Variants in PLD1 observed in about 807,000 individuals in gnomAD.
PLD1 encodes the protein phospholipase D1, also known as choline phosphatase 1.
A neutral mutation model predicts 137.1 loss-of-function variants in PLD1; 112 were observed. The ratio of observed to expected loss-of-function variants is 0.82; its 90% CI spans 0.70 to 0.96. The LOEUF is 0.96. Among genes scored for constraint, PLD1 ranks in the 40% least tolerant of loss-of-function variants. PLD1 has a pLI of 0.00. For missense variants in PLD1, 1,321 were observed against 1,342.0 expected, an observed-to-expected ratio of 0.98 and a Z score of 0.24; for synonymous variants, 431 against 454.7, an observed-to-expected ratio of 0.95 and a Z score of 0.66.
intron 21 of PLD1, among the ~76,000 whole-genome samples, chr3:171,645,244 G>T (rs1478346316): frequency 4.6e-5 from 7 of 152,144 alleles, no homozygotes; most frequent in Non-Finnish European, 7.3e-5. Flanking sequence ...GCTAAACTTG[G>T]CAGTAAAGTA....
At chr3:171,665,839 C>T (rs1044034940) in intron 19 of PLD1, among the ~76,000 whole-genome samples, 5 of 152,166 alleles carry the variant, frequency 3.3e-5, no homozygotes, top group Admixed American at 6.5e-5. Flanking sequence ...TCAGCATCAT[C>T]TATCCCATTG....
chr3:171,712,689 G>A (rs1717359999), intron 9 of PLD1, among the ~76,000 whole-genome samples: 1 of 152,184 alleles, frequency 6.6e-6, no homozygotes, highest in Admixed American at 6.5e-5. Flanking sequence ...AAACCTGGAT[G>A]TGAATGGCCT....
intron 19 of PLD1, 78 bp downstream of exon 19, chr3:171,674,422 T>C: frequency 1.6e-6 from 1 of 629,840 alleles, no homozygotes. Flanking sequence ...CTGAAGCCAA[T>C]GTAATAGGCC....
chr3:171,693,717 T>C (rs1715423507), intron 12 of PLD1, among the ~76,000 whole-genome samples: 1 of 152,128 alleles, frequency 6.6e-6, no homozygotes, highest in Non-Finnish European at 1.5e-5. Context: ...ATCGTAGAGA[T>C]TAAAGGTAAA....
rs77577238 is a variant in PLD1, at chr3:171,748,309, A to G, written c.-31-10227T>C. Reference sequence around the variant, plus strand: ...TAAGTCAAAGGGAAAATTCTTCTTTATAAAAGAAAGGTAGTTAATATTGCT... The same window carrying G: ...TAAGTCAAAGGGAAAATTCTTCTTTGTAAAAGAAAGGTAGTTAATATTGCT... On this transcript the variant is annotated intron_variant, in intron 1 of 26. Coordinates refer to ENST00000351298, the MANE Select transcript of PLD1 (RefSeq NM_002662.5). 1.7e-3 allele frequency among the ~76,000 whole-genome samples: 253 copies of G among 152,356 alleles called. 1 individual carries two copies. The highest frequency in any genetic ancestry group is 5.6e-3 in the African/African-American group (233 of 41,576).
intron 1 of PLD1, chr3:171,793,068 A>G: frequency 4.9e-6 from 1 of 203,964 alleles, no homozygotes; most frequent in South Asian, 7.6e-5. Context: ...TCCACTGACT[A>G]GACATCATTT....
chr3:171,795,800 A>G (rs548241685), intron 1 of PLD1, among the ~76,000 whole-genome samples: 2 of 152,348 alleles, frequency 1.3e-5, no homozygotes, highest in African/African-American at 4.8e-5. Context: ...TACAACCTCA[A>G]TATTACAAAG....
In PLD1 at chr3:171,737,994, C is replaced by G. The variant is rs1203633745; in HGVS notation, c.58G>C (p.Asp20His). 1.9e-6 allele frequency: 3 copies of G among 1,613,996 alleles called. No individual in the cohort carries two copies. The highest frequency in any genetic ancestry group is 3.3e-5 in the Admixed American group (2 of 60,006). Residue 20 changes from aspartate (D) to histidine (H), a missense_variant, in exon 2 of 27, where the codon GAC becomes CAC. Transcript: ENST00000351298. ...AGATTTTCTATGATATTACTCATGT[C>G]AGCAGCAATTTTCTGCAGTGCAGAG... ...NTSALQKIAADMSNIIENLDT... is the reference protein window; with the variant it reads ...NTSALQKIAAHMSNIIENLDT...
chr3:171,791,586 G>A (rs555034874), intron 1 of PLD1, among the ~76,000 whole-genome samples: 1 of 151,844 alleles, frequency 6.6e-6, no homozygotes, highest in East Asian at 1.9e-4. Context: ...TGATTAATAT[G>A]GAAAACACAA....
intron 1 of PLD1, among the ~76,000 whole-genome samples, chr3:171,781,922 A>T (rs1722810256): frequency 6.6e-6 from 1 of 152,242 alleles, no homozygotes; most frequent in Non-Finnish European, 1.5e-5. Flanking sequence ...CCACAAAAAA[A>T]GACTCCATTC....
At chr3:171,680,242 CTTTTT>C (rs571538714) in intron 16 of PLD1, among the ~76,000 whole-genome samples, 3 of 102,904 alleles carry the variant, frequency 2.9e-5, no homozygotes, top group African/African-American at 4.2e-5. Flanking sequence ...TTTTCTTCCT[CTTTTT>C]TTTTTTTTTT....
intron 1 of PLD1, among the ~76,000 whole-genome samples, chr3:171,784,472 C>T (rs1414852554): frequency 6.6e-6 from 1 of 152,044 alleles, no homozygotes; most frequent in East Asian, 1.9e-4. Flanking sequence ...TTTAAGTACC[C>T]AGGAAAAAAA....
intron 16 of PLD1, among the ~76,000 whole-genome samples, chr3:171,685,736 G>T (rs1432683084): frequency 6.6e-6 from 1 of 152,022 alleles, no homozygotes; most frequent in African/African-American, 2.4e-5. Context: ...TTAATTCCTC[G>T]AGTATCTGGA....
At chr3:171,656,242 C>T (rs1737191862) in intron 21 of PLD1, among the ~76,000 whole-genome samples, 1 of 151,780 alleles carries the variant, frequency 6.6e-6, no homozygotes, top group Non-Finnish European at 1.5e-5. Flanking sequence ...ATGATCTCAG[C>T]TCACTGCAAT....
At chr3:171,639,490 TTTTA>T (rs1322586536) in intron 23 of PLD1, among the ~76,000 whole-genome samples, 1 of 117,858 alleles carries the variant, frequency 8.5e-6, no homozygotes, top group African/African-American at 3.5e-5. Flanking sequence ...TAGATAAATA[TTTTA>T]TTTAATACAT....
At chr3:171,806,736 G>A (rs1326482420) in intron 1 of PLD1, among the ~76,000 whole-genome samples, 2 of 152,234 alleles carry the variant, frequency 1.3e-5, no homozygotes, top group Non-Finnish European at 2.9e-5. Context: ...CACTACCTGA[G>A]CTCAAGCATA....
At chr3:171,809,345 A>G (rs1724017235) in intron 1 of PLD1, 1 of 152,260 alleles carries the variant, frequency 6.6e-6, no homozygotes, top group Non-Finnish European at 1.5e-5. Context: ...GGGTCTGTTA[A>G]CAGTTCAAAT....
intron 16 of PLD1, among the ~76,000 whole-genome samples, chr3:171,682,083 G>T (rs901891904): frequency 1.6e-5 from 2 of 123,984 alleles, no homozygotes; most frequent in Admixed American, 9.1e-5. Context: ...GTGTATCCCA[G>T]AACTTAAAGT....
At chr3:171,768,321 A>G (rs1722114835) in intron 1 of PLD1, among the ~76,000 whole-genome samples, 1 of 152,184 alleles carries the variant, frequency 6.6e-6, no homozygotes. Flanking sequence ...CTATGTGCAC[A>G]CAAGCACCTG....
Sources: gnomAD v4.1 joint callset for allele counts (sites outside exome capture counted in the v4.1 genomes callset) on GRCh38, gnomAD v4.1.1 for gene constraint, MANE v1.5 for transcripts, NCBI Gene and HGNC (gene_info 2026-07-23, HGNC 2026-07-21) for gene names.